MEI4: variants seen among roughly 807,000 people sequenced by gnomAD.
The protein encoded by MEI4 is meiosis-specific protein MEI4.
MEI4 carries 27 observed loss-of-function variants against 31.4 expected under a neutral mutation model. That is an observed-to-expected ratio of 0.86 (90% CI 0.63 to 1.19). The LOEUF (loss-of-function observed/expected upper bound fraction) is 1.19. Among genes scored for constraint, MEI4 ranks in the 50% most tolerant of loss-of-function variants. The pLI is 0.00. For synonymous variants in MEI4, 122 were observed against 145.4 expected, an observed-to-expected ratio of 0.84 and a Z score of 1.16; for missense variants, 329 against 398.9, an observed-to-expected ratio of 0.82 and a Z score of 1.49.
intron 4 of MEI4, among the ~76,000 whole-genome samples, chr6:77,860,846 C>T (rs1352832017): frequency 6.6e-6 from 1 of 152,262 alleles, no homozygotes; most frequent in East Asian, 1.9e-4. Context: ...CTCTCTCCCT[C>T]TTCATATGAA....
intron 2 of MEI4, among the ~76,000 whole-genome samples, chr6:77,748,969 C>A (rs1767691821): frequency 6.6e-6 from 1 of 152,080 alleles, no homozygotes; most frequent in African/African-American, 2.4e-5. Flanking sequence ...GCCGGTGATA[C>A]CCAGGAAAAC....
At chr6:77,747,179 GCA>G (rs1767633454) in intron 2 of MEI4, among the ~76,000 whole-genome samples, 1 of 151,970 alleles carries the variant, frequency 6.6e-6, no homozygotes, top group South Asian at 2.1e-4. Flanking sequence ...GGGCATGGTG[GCA>G]CACACCTGTA....
At chr6:77,822,612 ACCC>A (rs80176320) in intron 3 of MEI4, among the ~76,000 whole-genome samples, 9,774 of 138,710 alleles carry the variant, frequency 0.07, 508 homozygotes, top group Non-Finnish European at 0.11. Flanking sequence ...GCATTTGGAT[ACCC>A]CCCCCCCCTT....
intron 3 of MEI4, among the ~76,000 whole-genome samples, chr6:77,801,851 A>G (rs958003864): frequency 1.3e-5 from 2 of 152,106 alleles, no homozygotes; most frequent in East Asian, 3.9e-4. Flanking sequence ...AGTTTGTTAT[A>G]ATTTCTGTTC....
chr6:77,767,264 C>T (rs1258736253), intron 3 of MEI4, among the ~76,000 whole-genome samples: 1 of 151,952 alleles, frequency 6.6e-6, no homozygotes, highest in Non-Finnish European at 1.5e-5. Context: ...CCTGTAGTCC[C>T]AGCTACTTGG....
intron 3 of MEI4, among the ~76,000 whole-genome samples, chr6:77,810,289 A>G (rs957310814): frequency 6.6e-6 from 1 of 152,150 alleles, no homozygotes; most frequent in African/African-American, 2.4e-5. Flanking sequence ...TGGATCTGCA[A>G]ATCTTCCTCC....
At position 77,923,161 on chromosome 6, in the gene MEI4, C is replaced by T; in HGVS notation, c.973C>T (p.Gln325Ter). ...YLFWVLEQLLQKETEEGNTSS... is the reference protein window; with the variant it reads ...YLFWVLEQLL ...GTTCTGGGTTCTGGAGCAGCTTCTT[C>T]AAAAGGAAACCGAAGAAGGCAACAC... The change falls in exon 5 of 5, where the codon CAA (glutamine) becomes TAA (stop). Residue 325 changes from glutamine to a stop codon, truncating the protein, a stop_gained. Transcript: ENST00000684080. LOFTEE classifies it high-confidence loss of function. 1 of 1,230,536 alleles carries T rather than the reference C, an allele frequency of 8.1e-7. No individual in the cohort carries two copies. The highest frequency in any genetic ancestry group is 1.0e-6 in the Non-Finnish European group (1 of 986,926). 76.2% of individuals were successfully genotyped at this position (1,230,536 alleles called of 1,614,324 possible).
chr6:77,809,930 A>G (rs1281677273), intron 3 of MEI4, among the ~76,000 whole-genome samples: 1 of 152,148 alleles, frequency 6.6e-6, no homozygotes, highest in Non-Finnish European at 1.5e-5. Flanking sequence ...TGTGTGGCTC[A>G]GTGAGATTTT....
intron 4 of MEI4, among the ~76,000 whole-genome samples, chr6:77,863,753 A>T (rs1770937072): frequency 6.6e-6 from 1 of 152,198 alleles, no homozygotes; most frequent in Non-Finnish European, 1.5e-5. Context: ...CTCCTCGAGA[A>T]GAGCAACTCC....
intron 2 of MEI4, among the ~76,000 whole-genome samples, chr6:77,735,291 C>A (rs1324939200): frequency 6.6e-6 from 1 of 151,904 alleles, no homozygotes; most frequent in Non-Finnish European, 1.5e-5. Context: ...TAGATTTGGT[C>A]TTTTCACATA....
At chr6:77,809,849 T>G (rs771287108) in intron 3 of MEI4, among the ~76,000 whole-genome samples, 11 of 152,128 alleles carry the variant, frequency 7.2e-5, no homozygotes, top group Non-Finnish European at 1.5e-4. Flanking sequence ...GAAAAAAAAA[T>G]CATTGTTTAT....
intron 4 of MEI4, among the ~76,000 whole-genome samples, chr6:77,877,495 C>CAGA (rs35658252): frequency 0.83 from 125,174 of 151,638 alleles, 52,176 homozygotes; most frequent in East Asian, 0.95. Context: ...TTGCTGACAA[C>CAGA]AGATTTTCTG....
intron 4 of MEI4, among the ~76,000 whole-genome samples, chr6:77,833,481 A>C (rs1227839957): frequency 1.3e-5 from 2 of 152,180 alleles, no homozygotes; most frequent in East Asian, 1.9e-4. Flanking sequence ...TATTACTAGA[A>C]GTCTTTGCTA....
intron 3 of MEI4, among the ~76,000 whole-genome samples, chr6:77,789,336 T>C (rs946115299): frequency 1.4e-4 from 22 of 152,158 alleles, no homozygotes; most frequent in African/African-American, 5.1e-4. Flanking sequence ...ATTCAAGACA[T>C]AGGCATGGGC....
chr6:77,818,975 A>C (rs1192289172), intron 3 of MEI4, among the ~76,000 whole-genome samples: 2 of 152,054 alleles, frequency 1.3e-5, no homozygotes, highest in Non-Finnish European at 2.9e-5. Context: ...GCTTCAAGTA[A>C]TCCTCTTGGC....
chr6:77,667,634 T>C (rs1768663771), intron 1 of MEI4, among the ~76,000 whole-genome samples: 1 of 152,168 alleles, frequency 6.6e-6, no homozygotes, highest in African/African-American at 2.4e-5. Flanking sequence ...CCCAAATGGC[T>C]ATAGATACTA....
chr6:77,734,087 A>T (rs1582075040), intron 2 of MEI4, among the ~76,000 whole-genome samples: 2 of 151,972 alleles, frequency 1.3e-5, no homozygotes, highest in South Asian at 4.1e-4. Flanking sequence ...TGTGGTGCTG[A>T]AAAAAATGTA....
intron 4 of MEI4, among the ~76,000 whole-genome samples, chr6:77,876,819 A>G (rs990062121): frequency 6.6e-6 from 1 of 152,182 alleles, no homozygotes; most frequent in African/African-American, 2.4e-5. Context: ...ATATGAGGCA[A>G]AGTACCATAG....
At chr6:77,866,338 C>T (rs927585293) in intron 4 of MEI4, among the ~76,000 whole-genome samples, 9 of 152,140 alleles carry the variant, frequency 5.9e-5, no homozygotes, top group African/African-American at 2.2e-4. Flanking sequence ...ACCCCATTGT[C>T]TCAGCCCAAA....
Sources: gnomAD v4.1 joint callset for allele counts (sites outside exome capture counted in the v4.1 genomes callset) on GRCh38, gnomAD v4.1.1 for gene constraint, MANE v1.5 for transcripts, NCBI Gene and HGNC (gene_info 2026-07-23, HGNC 2026-07-21) for gene names.